PATJ: variants seen among roughly 807,000 people sequenced by gnomAD.
The protein encoded by PATJ is inaD-like protein.
In PATJ, 190 loss-of-function variants were observed where a neutral mutation model predicts 224.9. The ratio of observed to expected loss-of-function variants is 0.84; its 90% confidence interval spans 0.75 to 0.95. The LOEUF (loss-of-function observed/expected upper bound fraction) is 0.95, where lower values mean the gene tolerates loss of function less well. Ranked by LOEUF, PATJ falls within the 40% of genes least tolerant of loss-of-function variation. The probability of loss-of-function intolerance (pLI) is 0.00; values close to 1 mark genes in which losing one functional copy is unlikely to be tolerated. For missense variants in PATJ, 2,121 were observed against 2,270.3 expected (o/e 0.93, Z 1.34); for synonymous variants, 769 against 820.3 (o/e 0.94, Z 1.07).
At chr1:62,082,579 C>T (rs1659417520) in intron 32 of PATJ, among the ~76,000 whole-genome samples, 1 of 152,094 alleles carries the variant, frequency 6.6e-6, no homozygotes, top group African/African-American at 2.4e-5. Flanking sequence ...CAAGCTTTTT[C>T]TATAAAGAAG....
chr1:61,976,789 TCC>T (rs1557976172), intron 27 of PATJ, among the ~76,000 whole-genome samples: 1 of 152,196 alleles, frequency 6.6e-6, no homozygotes, highest in East Asian at 1.9e-4. Flanking sequence ...CCATATGTTC[TCC>T]CAGGTTCAGT....
intron 40 of PATJ, 63 bp from the exon 41 acceptor site, chr1:62,128,778 G>C: frequency 8.9e-7 from 1 of 1,122,558 alleles, no homozygotes; most frequent in Non-Finnish European, 1.4e-6. Context: ...AGAATTTTAA[G>C]CATTCTTCTC....
At chr1:61,942,485 G>A (rs548875546) in intron 27 of PATJ, among the ~76,000 whole-genome samples, 3 of 151,496 alleles carry the variant, frequency 2.0e-5, no homozygotes, top group Non-Finnish European at 4.4e-5. Context: ...AGTACAACTG[G>A]AATCTTCATA....
chr1:61,777,703 C>CTTTTTTTTTTTTTTTTTTTTTTT (rs66470863), intron 7 of PATJ, among the ~76,000 whole-genome samples: 20 of 48,740 alleles, frequency 4.1e-4, no homozygotes, highest in African/African-American at 9.6e-4. Flanking sequence ...TTCTTTCTTT[C>CTTTTTTTTTTTTTTTTTTTTTTT]TTTTTTTTTT....
At chr1:61,998,217 T>C (rs56683043) in intron 28 of PATJ, among the ~76,000 whole-genome samples, 5,487 of 150,836 alleles carry the variant, frequency 0.036, 250 homozygotes, top group African/African-American at 0.1. Context: ...TGAACTGAGA[T>C]TATAGGCATG....
chr1:61,826,237 A>T (rs1032244265), intron 15 of PATJ, among the ~76,000 whole-genome samples: 1 of 152,144 alleles, frequency 6.6e-6, no homozygotes, highest in African/African-American at 2.4e-5. Flanking sequence ...GGAATAGTGG[A>T]CCTGAGACTC....
intron 16 of PATJ, 24 bp from the exon 17 acceptor site, chr1:61,833,630 C>T: frequency 6.3e-7 from 1 of 1,595,426 alleles, no homozygotes; most frequent in Non-Finnish European, 8.5e-7. Context: ...TGTTTTGAAG[C>T]ATTTATCTTC....
intron 17 of PATJ, among the ~76,000 whole-genome samples, chr1:61,852,340 G>A (rs1328419328): frequency 2.6e-5 from 4 of 152,060 alleles, no homozygotes; most frequent in Non-Finnish European, 4.4e-5. Context: ...GTCTAAAGCG[G>A]CATCTTGATT....
Position 61,890,430 on chromosome 1 carries a change from G to A in PATJ, c.3131+6022G>A, listed in dbSNP as rs1176485676. 2.0e-5 allele frequency among the ~76,000 whole-genome samples: 3 copies of A among 152,296 alleles called. No homozygotes were observed. The East Asian group carries it at 5.8e-4, about 29-fold the overall frequency. ...GCAGTTCGAGGTTATAGCAAGCTAT[G>A]ATTATACCACTGCACTCCAGCCTGG... On this transcript the variant is annotated intron_variant, in intron 22 of 43. Coordinates refer to ENST00000642238, the MANE Select transcript of PATJ (RefSeq NM_001350145.3).
chr1:62,013,754 T>G (rs1037209358), intron 28 of PATJ, among the ~76,000 whole-genome samples: 6 of 152,166 alleles, frequency 3.9e-5, no homozygotes, highest in African/African-American at 1.4e-4. Context: ...ATGCCAGGCC[T>G]TGAATCAGGC....
intron 33 of PATJ, among the ~76,000 whole-genome samples, chr1:62,094,873 G>A (rs1314009797): frequency 3.3e-5 from 5 of 152,180 alleles, no homozygotes; most frequent in Non-Finnish European, 7.3e-5. Flanking sequence ...AGGGTCAACT[G>A]AAGTCTGACT....
chr1:61,841,130 C>T (rs1025629897), intron 17 of PATJ, among the ~76,000 whole-genome samples: 1 of 151,926 alleles, frequency 6.6e-6, no homozygotes, highest in Non-Finnish European at 1.5e-5. Flanking sequence ...GATATTAGTG[C>T]CCCAAACTCT....
chr1:61,756,662 T>C (rs1172502210), intron 1 of PATJ, among the ~76,000 whole-genome samples: 1 of 139,202 alleles, frequency 7.2e-6, no homozygotes, highest in Non-Finnish European at 1.5e-5. Context: ...CACTGCAACC[T>C]CTGCCTCCCG....
intron 26 of PATJ, among the ~76,000 whole-genome samples, chr1:61,921,619 TC>T (rs1453571338): frequency 6.6e-6 from 1 of 152,158 alleles, no homozygotes; most frequent in Non-Finnish European, 1.5e-5. Context: ...TAGTCTAACT[TC>T]CCACCTTCCT....
intron 14 of PATJ, among the ~76,000 whole-genome samples, chr1:61,815,312 G>A (rs1318220850): frequency 1.3e-5 from 2 of 152,172 alleles, no homozygotes; most frequent in Admixed American, 6.5e-5. Context: ...AAATGATGCT[G>A]CAGAGGAAGA....
At chr1:62,130,795 G>A (rs972627773) in intron 41 of PATJ, among the ~76,000 whole-genome samples, 5 of 152,134 alleles carry the variant, frequency 3.3e-5, no homozygotes, top group Non-Finnish European at 5.9e-5. Context: ...AGCTTGCAGT[G>A]AGACGAGATG....
In PATJ at chr1:62,079,550, C is replaced by G; in HGVS notation, c.4226C>G (p.Ala1409Gly). ...GCTTCATCATACCATTCAACAGATGCAGACTTCACAGGCTATGGTATGATT... is the reference window on the plus strand; with the variant it reads ...GCTTCATCATACCATTCAACAGATGGAGACTTCACAGGCTATGGTATGATT... Reference protein sequence around the residue: ...APASSYHSTDADFTGYGGFQA... With the variant: ...APASSYHSTDGDFTGYGGFQA... The change falls in exon 32 of 44, where the codon GCA becomes GGA. Residue 1409 changes from alanine to glycine, a missense_variant. By Grantham distance (60) the Ala-to-Gly change is moderately conservative. Coordinates refer to ENST00000642238, the MANE Select transcript of PATJ (RefSeq NM_001350145.3). 5 of 1,594,316 alleles carry G rather than the reference C, an allele frequency of 3.1e-6. No individual in the cohort carries two copies. Among genetic ancestry groups the G allele is most frequent in the Non-Finnish European group, 4.3e-6 (5 of 1,162,202 alleles).
chr1:61,847,323 A>G (rs1424283970), intron 17 of PATJ, among the ~76,000 whole-genome samples: 1 of 152,194 alleles, frequency 6.6e-6, no homozygotes, highest in Non-Finnish European at 1.5e-5. Flanking sequence ...ATATATTTTG[A>G]TCTTTTAGCA....
intron 11 of PATJ, among the ~76,000 whole-genome samples, chr1:61,800,186 A>G (rs916558706): frequency 6.6e-6 from 1 of 152,184 alleles, no homozygotes; most frequent in Admixed American, 6.5e-5. Context: ...TTCCACATCG[A>G]CAGAAGTTGT....
Sources: allele counts gnomAD v4.1 joint callset (sites outside exome capture counted in the v4.1 genomes callset), GRCh38; gene constraint gnomAD v4.1.1; transcripts MANE v1.5; gene names NCBI Gene and HGNC (gene_info 2026-07-23, HGNC 2026-07-21).